The following CHLSN variants were observed in gnomAD, a reference collection of about 807,000 sequenced individuals.
The protein encoded by CHLSN is protein cholesin.
At chr7:1,060,350 C>A in the CHLSN span, among the ~76,000 whole-genome samples, 1 of 152,300 alleles carries the variant, frequency 6.6e-6, no homozygotes, top group Non-Finnish European at 1.5e-5. Flanking sequence ...AGCTTCATGT[C>A]CATGAGGACC....
the CHLSN span, among the ~76,000 whole-genome samples, chr7:1,098,300 G>C: frequency 1.3e-5 from 2 of 152,226 alleles, no homozygotes; most frequent in Non-Finnish European, 2.9e-5. Flanking sequence ...CCGGAAACAT[G>C]CATCCAAGCA....
chr7:1,028,817 GCCCCCATCTCCTCCAGTCTA>G, the CHLSN span: 2 of 747,702 alleles, frequency 2.7e-6, no homozygotes, highest in African/African-American at 2.6e-5. Context: ...TGACTCCATG[GCCCCCATCTCCTCCAGTCTA>G]CCCCCATCTT....
chr7:1,072,828 C>T, the CHLSN span, among the ~76,000 whole-genome samples: 2 of 152,024 alleles, frequency 1.3e-5, no homozygotes, highest in Non-Finnish European at 2.9e-5. Context: ...GGATTACAGG[C>T]GTGCGCCACC....
At chr7:1,105,624 T>A in the CHLSN span, among the ~76,000 whole-genome samples, 1 of 152,206 alleles carries the variant, frequency 6.6e-6, no homozygotes, top group Admixed American at 6.5e-5. Flanking sequence ...TTTATTTTAT[T>A]CATATTTTAA....
the CHLSN span, among the ~76,000 whole-genome samples, chr7:1,082,763 G>A: frequency 5.4e-3 from 830 of 152,330 alleles, 11 homozygotes; most frequent in African/African-American, 0.018. Flanking sequence ...CACAGAGAAC[G>A]CAGAGAACAG....
At chr7:1,031,095 G>A in the CHLSN span, among the ~76,000 whole-genome samples, 4 of 152,198 alleles carry the variant, frequency 2.6e-5, no homozygotes, top group Middle Eastern at 3.2e-3. Flanking sequence ...CCAGCAGGTC[G>A]GCAGGTCCTG....
At chr7:1,093,162 C>T in the CHLSN span, 2 of 585,680 alleles carry the variant, frequency 3.4e-6, no homozygotes, top group African/African-American at 1.8e-5. Flanking sequence ...CCTGCCGCTG[C>T]ACCTGCCTGC....
At chr7:1,080,940 G>C in the CHLSN span, 3 of 152,450 alleles carry the variant, frequency 2.0e-5, no homozygotes, top group African/African-American at 7.2e-5. Flanking sequence ...TCGGGGAGAA[G>C]GTGCCAGGCT....
chr7:1,004,679 G>A, the CHLSN span, among the ~76,000 whole-genome samples: 10 of 152,350 alleles, frequency 6.6e-5, no homozygotes, highest in South Asian at 6.2e-4. Context: ...GGCACTGGGC[G>A]AGGCCTCCTG....
the CHLSN span, among the ~76,000 whole-genome samples, chr7:1,134,235 G>C: frequency 6.6e-6 from 1 of 150,644 alleles, no homozygotes; most frequent in Non-Finnish European, 1.5e-5. Flanking sequence ...ATCACGCCAT[G>C]ATACTCCAGC....
chr7:1,002,437 T>C, the CHLSN span, among the ~76,000 whole-genome samples: 1 of 56,510 alleles, frequency 1.8e-5, no homozygotes, highest in South Asian at 8.0e-4. Context: ...GGGTGGGGAG[T>C]CCTGTGGGTG....
At chr7:1,036,363 G>C in the CHLSN span, among the ~76,000 whole-genome samples, 2 of 150,852 alleles carry the variant, frequency 1.3e-5, no homozygotes, top group African/African-American at 4.9e-5. Context: ...GGGTGCTCGT[G>C]GTGTGGCCGT....
the CHLSN span, among the ~76,000 whole-genome samples, chr7:1,049,379 T>A: frequency 6.6e-6 from 1 of 152,230 alleles, no homozygotes; most frequent in Non-Finnish European, 1.5e-5. Flanking sequence ...TGGGTTGGTT[T>A]ACTTAACCCT....
chr7:1,119,715 A>G, the CHLSN span, among the ~76,000 whole-genome samples: 1 of 152,150 alleles, frequency 6.6e-6, no homozygotes, highest in Admixed American at 6.6e-5. Context: ...TGTCTCTACA[A>G]AAAAATACAA....
chr7:1,062,535 T>C, the CHLSN span, among the ~76,000 whole-genome samples: 1 of 152,178 alleles, frequency 6.6e-6, no homozygotes, highest in African/African-American at 2.4e-5. Flanking sequence ...GTACCTTGGC[T>C]GCTGGCGAAG....
the CHLSN span, chr7:986,982 A>T: frequency 1.5e-6 from 2 of 1,361,244 alleles, no homozygotes; most frequent in Non-Finnish European, 1.9e-6. Flanking sequence ...TGCCTCGGGG[A>T]CGCTGAGGGA....
chr7:1,015,355 C>A, the CHLSN span, among the ~76,000 whole-genome samples: 1 of 152,214 alleles, frequency 6.6e-6, no homozygotes, highest in Admixed American at 6.5e-5. Flanking sequence ...CTTTGTCAAC[C>A]TGAGGCTCAG....
At chr7:1,005,490 C>T in the CHLSN span, among the ~76,000 whole-genome samples, 9 of 152,224 alleles carry the variant, frequency 5.9e-5, no homozygotes, top group African/African-American at 2.4e-5. Flanking sequence ...GCGGGGCTGG[C>T]GCGGACAGGG....
chr7:978,657 G>A, the CHLSN span, among the ~76,000 whole-genome samples: 10 of 152,258 alleles, frequency 6.6e-5, no homozygotes, highest in African/African-American at 1.4e-4. Context: ...TTTATAGCTC[G>A]AAGATGAATG....
Sources: gnomAD v4.1 joint callset for allele counts (sites outside exome capture counted in the v4.1 genomes callset) on GRCh38, gnomAD v4.1.1 for gene constraint, MANE v1.5 for transcripts, NCBI Gene and HGNC (gene_info 2026-07-23, HGNC 2026-07-21) for gene names.